Variants in SYCE2 observed in about 807,000 individuals in gnomAD.
SYCE2 encodes the protein synaptonemal complex central element protein 2.
In SYCE2, 3 loss-of-function variants were observed where a neutral mutation model predicts 27.9. That is an observed-to-expected ratio of 0.11 (90% CI 0.05 to 0.28). The LOEUF (loss-of-function observed/expected upper bound fraction) is 0.28, where lower values mean the gene tolerates loss of function less well. SYCE2 is among the 10% of genes least tolerant of loss of function. SYCE2 has a pLI of 1.00. For missense variants in SYCE2, 207 were observed against 263.5 expected (o/e 0.79, Z 1.48); for synonymous variants, 85 against 100.7 (o/e 0.84, Z 0.93).
intron 2 of SYCE2, among the ~76,000 whole-genome samples, chr19:12,912,814 G>A (rs1055511831): frequency 1.3e-5 from 2 of 151,390 alleles, no homozygotes; most frequent in Admixed American, 1.3e-4. Context: ...CAGCTAATTC[G>A]AGTTTCATGG....
chr19:12,905,132 G>A (rs1308547734), intron 2 of SYCE2, among the ~76,000 whole-genome samples: 6 of 152,024 alleles, frequency 3.9e-5, no homozygotes, highest in Admixed American at 3.3e-4. Flanking sequence ...ATGCTTCCTA[G>A]GTTATTCCAT....
At chr19:12,904,815 T>C (rs1970902824) in intron 2 of SYCE2, 149 bp from the exon 3 acceptor site, 4 of 835,404 alleles carry the variant, frequency 4.8e-6, no homozygotes, top group South Asian at 1.7e-5. Context: ...CCTGGCAACA[T>C]GGTGAAACCT....
intron 3 of SYCE2, among the ~76,000 whole-genome samples, chr19:12,901,168 CAAAAT>C (rs1470298075): frequency 9.4e-6 from 1 of 106,912 alleles, no homozygotes; most frequent in Non-Finnish European, 2.0e-5. Flanking sequence ...GACTCCATCT[CAAAAT>C]AAATAAATAA....
Position 12,900,107 on chromosome 19 carries a change from A to G in SYCE2, c.509T>C (p.Leu170Pro), listed in dbSNP as rs1188446685. Residue 170 changes from leucine (L) to proline (P), a missense_variant, in exon 5 of 6, where the codon CTC becomes CCC. Coordinates refer to ENST00000293695, the MANE Select transcript of SYCE2 (RefSeq NM_001105578.2). ...CCTAGAGTGGTCTGGCCCCCATCTGAGTCTTAGGCTCTGCTGTAAAAAAGA... is the reference window on the plus strand; with the variant it reads ...CCTAGAGTGGTCTGGCCCCCATCTGGGTCTTAGGCTCTGCTGTAAAAAAGA... ...LCLQPEQSLRLRWGPDHSRGK... is the reference protein window; with the variant it reads ...LCLQPEQSLRPRWGPDHSRGK... 1 of 1,607,712 alleles carries G rather than the reference A, an allele frequency of 6.2e-7. No homozygotes were observed. Among genetic ancestry groups the G allele is most frequent in the East Asian group, 2.2e-5 (1 of 44,828 alleles).
rs1970760376 is a variant in SYCE2, at chr19:12,898,814, G to A, written c.*527C>T. The A allele has an allele frequency of 1.8e-5, 3 of 170,896 alleles. No homozygotes were observed. In the South Asian group the frequency reaches 4.1e-4, roughly 23 times the overall value. 10.6% of individuals were successfully genotyped at this position (170,896 alleles called of 1,614,324 possible). ...AAAAAATAGGTTTGTACTTTAGGAA[G>A]TAAACAGAATTGGCTCTAAAAAGGA... On this transcript the variant is annotated 3_prime_UTR_variant, in exon 6 of 6. Transcript: ENST00000293695.
chr19:12,899,286 G>T lies in SYCE2; in HGVS notation c.*55C>A. 6.8e-7 allele frequency: 1 copy of T among 1,461,070 alleles called. No homozygotes were observed. Among genetic ancestry groups the T allele is most frequent in the Non-Finnish European group, 9.6e-7 (1 of 1,040,776 alleles). 90.5% of individuals were successfully genotyped at this position (1,461,070 alleles called of 1,614,324 possible). ...ATTTCTCAGTGTGGCCCAAATGGTG[G>T]CCTCACAGTCTTCTCCTGGAGACTG... is the stretch of plus-strand genomic sequence containing the variant. On this transcript the variant is annotated 3_prime_UTR_variant, in exon 6 of 6. Transcript: ENST00000293695.
At chr19:12,906,237 G>A (rs1337610878) in intron 2 of SYCE2, 5 of 152,212 alleles carry the variant, frequency 3.3e-5, no homozygotes, top group Non-Finnish European at 4.4e-5. Context: ...ACCGCCTGGG[G>A]CTACAGTGTA....
chr19:12,916,903 C>A (rs1180393632), intron 2 of SYCE2, among the ~76,000 whole-genome samples: 1 of 152,044 alleles, frequency 6.6e-6, no homozygotes, highest in Admixed American at 6.6e-5. Flanking sequence ...GCATGCACCA[C>A]CACGCCTGGC....
intron 3 of SYCE2, among the ~76,000 whole-genome samples, chr19:12,902,294 G>A (rs983361360): frequency 3.9e-5 from 6 of 152,126 alleles, no homozygotes; most frequent in African/African-American, 1.4e-4. Flanking sequence ...GCCAGGTTAG[G>A]AAGAAAGTAC....
At chr19:12,901,955 G>T (rs1970848896) in intron 3 of SYCE2, among the ~76,000 whole-genome samples, 1 of 152,138 alleles carries the variant, frequency 6.6e-6, no homozygotes, top group African/African-American at 2.4e-5. Context: ...ATACAGTCGT[G>T]TGCTGCATAA....
intron 1 of SYCE2, 39 bp from the exon 2 acceptor site, chr19:12,918,376 T>G: frequency 6.3e-7 from 1 of 1,575,934 alleles, no homozygotes; most frequent in Non-Finnish European, 8.7e-7. Flanking sequence ...GGAGGGAGGA[T>G]GAGGAGTGAA....
At chr19:12,909,807 C>G (rs1427270617) in intron 2 of SYCE2, among the ~76,000 whole-genome samples, 2 of 151,856 alleles carry the variant, frequency 1.3e-5, no homozygotes, top group Non-Finnish European at 2.9e-5. Flanking sequence ...CTCAGGTGAT[C>G]CGCCCTCCTC....
intron 3 of SYCE2, among the ~76,000 whole-genome samples, chr19:12,900,954 C>T (rs1970823038): frequency 6.6e-6 from 1 of 151,936 alleles, no homozygotes; most frequent in Admixed American, 6.6e-5. Flanking sequence ...CCGAGGCGGG[C>T]GGATCACGAG....
intron 2 of SYCE2, among the ~76,000 whole-genome samples, chr19:12,906,521 T>C (rs1970936666): frequency 6.6e-6 from 1 of 152,178 alleles, no homozygotes; most frequent in African/African-American, 2.4e-5. Context: ...CAGTTGGGTA[T>C]GGGAGAGAGA....
At chr19:12,903,249 G>A (rs1232395902) in intron 3 of SYCE2, among the ~76,000 whole-genome samples, 3 of 151,326 alleles carry the variant, frequency 2.0e-5, no homozygotes, top group South Asian at 2.1e-4. Context: ...CCGCCACCAC[G>A]CCCAGCTAAT....
At chr19:12,899,681 C>T (rs1424913058) in intron 5 of SYCE2, 1 of 1,612,106 alleles carries the variant, frequency 6.2e-7, no homozygotes, top group South Asian at 1.1e-5. Flanking sequence ...TTTTAAATAT[C>T]AAAATTTCCC....
chr19:12,902,544 A>C (rs928797406), intron 3 of SYCE2, among the ~76,000 whole-genome samples: 3 of 152,124 alleles, frequency 2.0e-5, no homozygotes, highest in Admixed American at 6.6e-5. Flanking sequence ...CAGAGGTGGG[A>C]GGATCATTTG....
At chr19:12,904,314 C>T (rs1970894852) in intron 3 of SYCE2, among the ~76,000 whole-genome samples, 178 bp downstream of exon 3, 1 of 152,166 alleles carries the variant, frequency 6.6e-6, no homozygotes, top group African/African-American at 2.4e-5. Flanking sequence ...TTTTGACTTA[C>T]AGCATTTTCA....
chr19:12,903,048 A>G (rs60627035), intron 3 of SYCE2, among the ~76,000 whole-genome samples: 6,957 of 150,092 alleles, frequency 0.046, 620 homozygotes, highest in African/African-American at 0.17. Context: ...AAAAAAAAAA[A>G]AAAAAGAAAA....
Sources: allele counts gnomAD v4.1 joint callset (sites outside exome capture counted in the v4.1 genomes callset), GRCh38; gene constraint gnomAD v4.1.1; transcripts MANE v1.5; gene names NCBI Gene and HGNC (gene_info 2026-07-23, HGNC 2026-07-21).